SFMBT2: variants seen among roughly 807,000 people sequenced by gnomAD.
SFMBT2 encodes scm-like with four MBT domains protein 2.
In SFMBT2, 38 loss-of-function variants were observed where a neutral mutation model predicts 110.1. The ratio of observed to expected loss-of-function variants is 0.35; its 90% CI spans 0.27 to 0.45. The LOEUF is 0.45. Among genes scored for constraint, SFMBT2 ranks in the 20% least tolerant of loss-of-function variants. The probability of loss-of-function intolerance (pLI) is 1.00; values close to 1 mark genes in which losing one functional copy is unlikely to be tolerated. For missense variants in SFMBT2, 1,011 were observed against 1,094.9 expected, an observed-to-expected ratio of 0.92 and a Z score of 1.08; for synonymous variants, 425 against 425.4, an observed-to-expected ratio of 1.00 and a Z score of 0.01.
At chr10:7,344,814 C>T (rs570997714) in intron 4 of SFMBT2, among the ~76,000 whole-genome samples, 22 of 152,036 alleles carry the variant, frequency 1.4e-4, no homozygotes, top group African/African-American at 5.1e-4. Context: ...AAAAAATTAG[C>T]CGGGCACAGT....
chr10:7,344,502 G>A (rs1377643895), intron 4 of SFMBT2, among the ~76,000 whole-genome samples: 1 of 152,084 alleles, frequency 6.6e-6, no homozygotes, highest in Non-Finnish European at 1.5e-5. Flanking sequence ...GGCTTCCCCA[G>A]CTATGTGGAA....
rs116858815 is a variant in SFMBT2 at position 7,359,307 on chromosome 10, G to A, written c.436+8342C>T. ...ACCCGAGGCCGTGATCATCTGAGCT[G>A]CATCTGGAGCAGGCCAGGGCCAGGA... On this transcript the variant is annotated intron_variant, in intron 4 of 20. Coordinates refer to ENST00000397167, the MANE Select transcript of SFMBT2 (RefSeq NM_001387889.1). Among the ~76,000 whole-genome samples, 101 of 152,336 alleles carry A rather than the reference G, an allele frequency of 6.6e-4. 1 individual carries two copies. In the East Asian group the frequency reaches 0.016, roughly 24 times the overall value.
At chr10:7,378,144 A>G (rs1238795217) in intron 2 of SFMBT2, among the ~76,000 whole-genome samples, 5 of 92,100 alleles carry the variant, frequency 5.4e-5, no homozygotes, top group Admixed American at 1.1e-4. Context: ...GTGTGAGTGT[A>G]TGGATGGGTG....
intron 20 of SFMBT2, among the ~76,000 whole-genome samples, chr10:7,168,757 G>A (rs368593486): frequency 6.6e-6 from 1 of 152,292 alleles, no homozygotes; most frequent in East Asian, 1.9e-4. Context: ...ATAAGCCCCC[G>A]ATCACCTAAG....
chr10:7,379,872 C>T (rs10737020), intron 2 of SFMBT2, among the ~76,000 whole-genome samples: 142,436 of 152,266 alleles, frequency 0.94, 66,730 homozygotes, highest in East Asian at 1. Flanking sequence ...CCACCCTTAA[C>T]GAAATGTCGG....
chr10:7,231,635 T>C (rs1840112570), intron 9 of SFMBT2, among the ~76,000 whole-genome samples: 1 of 152,220 alleles, frequency 6.6e-6, no homozygotes, highest in African/African-American at 2.4e-5. Flanking sequence ...GAGAGCCATT[T>C]CTAATCTGAT....
chr10:7,307,941 C>T (rs954491016), intron 4 of SFMBT2, among the ~76,000 whole-genome samples: 1 of 152,146 alleles, frequency 6.6e-6, no homozygotes, highest in Non-Finnish European at 1.5e-5. Flanking sequence ...TGAAAAGTGT[C>T]CCATTTTGCA....
chr10:7,282,290 C>T (rs1289780272), intron 6 of SFMBT2, among the ~76,000 whole-genome samples: 3 of 152,152 alleles, frequency 2.0e-5, no homozygotes, highest in African/African-American at 7.2e-5. Context: ...CATTCCTGCT[C>T]GTGAGCGTGA....
intron 15 of SFMBT2, among the ~76,000 whole-genome samples, chr10:7,193,497 G>A (rs915936902): frequency 1.3e-5 from 2 of 152,232 alleles, no homozygotes; most frequent in Admixed American, 1.3e-4. Context: ...TGAAGGCAGA[G>A]GCTCCATCGC....
chr10:7,213,369 G>A (rs879810083), intron 11 of SFMBT2, among the ~76,000 whole-genome samples: 10 of 152,140 alleles, frequency 6.6e-5, no homozygotes, highest in South Asian at 2.1e-4. Flanking sequence ...GGTAGGAGGC[G>A]GCTGAAATCA....
chr10:7,264,928 A>G (rs912122403), intron 7 of SFMBT2, among the ~76,000 whole-genome samples: 1 of 142,192 alleles, frequency 7.0e-6, no homozygotes, highest in African/African-American at 2.9e-5. Context: ...CGGACATTTT[A>G]AAAAAGAGGA....
At chr10:7,385,045 G>T (rs1315928152) in intron 1 of SFMBT2, among the ~76,000 whole-genome samples, 4 of 152,204 alleles carry the variant, frequency 2.6e-5, no homozygotes, top group Admixed American at 2.6e-4. Flanking sequence ...ACAGTGGGTA[G>T]CAGGACCCCC....
chr10:7,190,577 G>T (rs1399868823), intron 15 of SFMBT2, among the ~76,000 whole-genome samples: 1 of 152,164 alleles, frequency 6.6e-6, no homozygotes, highest in Non-Finnish European at 1.5e-5. Flanking sequence ...TAAAACTTTG[G>T]AATTGTGAGC....
rs61835062 is a variant in SFMBT2, at chr10:7,186,461, T to C, written c.1808+2163A>G. On this transcript the variant is annotated intron_variant, in intron 16 of 20. Transcript: ENST00000397167. ...ACACACACACACACACACACACACA[T>C]ATATATATATATAAAAATATTTTAT... 2.5e-3 allele frequency among the ~76,000 whole-genome samples: 227 copies of C among 90,478 alleles called. 2 individuals carry two copies. Among genetic ancestry groups the C allele is most frequent in the Admixed American group, 6.7e-3 (60 of 9,002 alleles). 59.4% of individuals were successfully genotyped at this position (90,478 alleles called of 152,430 possible).
intron 3 of SFMBT2, chr10:7,368,342 G>A (rs1844968253): frequency 7.1e-6 from 7 of 985,374 alleles, no homozygotes; most frequent in Non-Finnish European, 8.4e-6. Context: ...CTAGAAAATG[G>A]AGTTGTTTTT....
intron 11 of SFMBT2, among the ~76,000 whole-genome samples, chr10:7,212,481 T>G (rs1217625225): frequency 3.9e-5 from 6 of 152,190 alleles, no homozygotes; most frequent in Admixed American, 3.9e-4. Context: ...ATCAGGAGGC[T>G]TGCAGACACA....
intron 15 of SFMBT2, among the ~76,000 whole-genome samples, chr10:7,194,476 G>C (rs1472985735): frequency 1.3e-5 from 2 of 152,130 alleles, no homozygotes; most frequent in South Asian, 4.1e-4. Flanking sequence ...TGGCAGAACA[G>C]ATCAGGGTGA....
chr10:7,263,692 A>T (rs1317894400), intron 7 of SFMBT2, among the ~76,000 whole-genome samples: 3 of 152,250 alleles, frequency 2.0e-5, no homozygotes, highest in Non-Finnish European at 4.4e-5. Flanking sequence ...TGGAGAATGT[A>T]AGTGTCCCAC....
At chr10:7,246,858 C>T (rs985476296) in intron 8 of SFMBT2, among the ~76,000 whole-genome samples, 4 of 151,922 alleles carry the variant, frequency 2.6e-5, no homozygotes, top group African/African-American at 7.3e-5. Context: ...GATGGGCAGC[C>T]GGCATGACTG....
Sources: gnomAD v4.1 joint callset for allele counts (sites outside exome capture counted in the v4.1 genomes callset) on GRCh38, gnomAD v4.1.1 for gene constraint, MANE v1.5 for transcripts, NCBI Gene and HGNC (gene_info 2026-07-23, HGNC 2026-07-21) for gene names.